The following HIKESHI variants were observed in gnomAD, a reference collection of about 807,000 sequenced individuals.
The protein encoded by HIKESHI is heat shock protein nuclear import factor hikeshi.
A neutral mutation model predicts 25.7 loss-of-function variants in HIKESHI; 13 were observed. That is an observed-to-expected ratio of 0.51 (90% confidence interval 0.33 to 0.80). The LOEUF (loss-of-function observed/expected upper bound fraction) is 0.80. Ranked by LOEUF, HIKESHI falls within the 30% of genes least tolerant of loss-of-function variation. The pLI, the probability that HIKESHI is intolerant of heterozygous loss-of-function variation, is 0.02. For synonymous variants in HIKESHI, 76 were observed against 78.7 expected (o/e 0.97, Z 0.18); for missense variants, 174 against 229.5 (o/e 0.76, Z 1.56).
intron 2 of HIKESHI, among the ~76,000 whole-genome samples, chr11:86,327,071 C>A (rs560088761): frequency 1.6e-4 from 25 of 151,912 alleles, no homozygotes; most frequent in African/African-American, 5.6e-4. Context: ...TAAAACCAAA[C>A]CAAAACAAAA....
chr11:86,302,254 G>A lies in HIKESHI; in HGVS notation c.-195G>A, dbSNP rs1946511809. The stretch of plus-strand genomic sequence containing the variant: ...CGGAAGTACTTGTTGCCTGAGCAGT[G>A]GGCTGCTTAGGAAGAGAAGGTCAGA... On this transcript the variant is annotated 5_prime_UTR_variant, in exon 1 of 5. Transcript: ENST00000278483. 2 of 629,188 alleles carry A rather than the reference G, an allele frequency of 3.2e-6. No homozygotes were observed. Among genetic ancestry groups the A allele is most frequent in the Non-Finnish European group, 5.7e-6 (2 of 349,406 alleles). 39.0% of individuals were successfully genotyped at this position (629,188 alleles called of 1,614,324 possible).
intron 2 of HIKESHI, among the ~76,000 whole-genome samples, chr11:86,315,702 C>T (rs1226878420): frequency 1.2e-5 from 1 of 81,946 alleles, no homozygotes; most frequent in East Asian, 4.4e-4. Flanking sequence ...AGCGAAAGAA[C>T]TACTTACCGG....
chr11:86,308,265 AT>A (rs1303240802), intron 2 of HIKESHI, among the ~76,000 whole-genome samples: 120 of 83,786 alleles, frequency 1.4e-3, no homozygotes, highest in African/African-American at 6.6e-3. Flanking sequence ...TACATATAAA[AT>A]GTGTATTATA....
Position 86,302,332 on chromosome 11 carries a change from G to C in HIKESHI, c.-117G>C. The C allele has an allele frequency of 7.9e-7, 1 of 1,268,562 alleles. No individual in the cohort carries two copies. The highest frequency in any genetic ancestry group is 1.1e-6 in the Non-Finnish European group (1 of 899,300). 78.6% of individuals were successfully genotyped at this position (1,268,562 alleles called of 1,614,324 possible). A position where few individuals can be genotyped will look rare whatever the true frequency, so the allele number is the denominator to read the frequency against. On this transcript the variant is annotated 5_prime_UTR_variant, in exon 1 of 5. Coordinates refer to ENST00000278483, the MANE Select transcript of HIKESHI (RefSeq NM_016401.4). ...GCTGGCCCAGTCACTATGTAGTGGA[G>C]GGGCAGACACCCTCCCGCAAATTCT...
chr11:86,316,933 A>G (rs1593828208), intron 2 of HIKESHI, among the ~76,000 whole-genome samples: 1 of 151,612 alleles, frequency 6.6e-6, no homozygotes, highest in East Asian at 1.9e-4. Context: ...ACCTGGGACT[A>G]CAGGTGACCA....
At chr11:86,337,094 A>G (rs1947584583) in intron 2 of HIKESHI, among the ~76,000 whole-genome samples, 1 of 152,152 alleles carries the variant, frequency 6.6e-6, no homozygotes, top group Admixed American at 6.6e-5. Flanking sequence ...TCTATTAATT[A>G]TTTATTTTTC....
At chr11:86,322,423 ATATATGTG>A (rs535266351) in intron 2 of HIKESHI, among the ~76,000 whole-genome samples, 311 of 152,218 alleles carry the variant, frequency 2.0e-3, no homozygotes, top group Middle Eastern at 0.01. Flanking sequence ...GTGTATGTAT[ATATATGTG>A]TATATGTATA....
At chr11:86,342,398 T>C (rs890118018) in intron 3 of HIKESHI, among the ~76,000 whole-genome samples, 3 of 152,118 alleles carry the variant, frequency 2.0e-5, no homozygotes, top group African/African-American at 7.2e-5. Context: ...TATTGTTTCT[T>C]TTATGATTTG....
chr11:86,331,155 G>A (rs568436996), intron 2 of HIKESHI, among the ~76,000 whole-genome samples: 4 of 151,964 alleles, frequency 2.6e-5, no homozygotes, highest in Non-Finnish European at 5.9e-5. Flanking sequence ...TTATATTTTC[G>A]TAAAATCATA....
chr11:86,317,871 A>G (rs958495691), intron 2 of HIKESHI, among the ~76,000 whole-genome samples: 4 of 152,220 alleles, frequency 2.6e-5, no homozygotes, highest in African/African-American at 4.8e-5. Context: ...AACAATAACT[A>G]CAAGTTTAAT....
intron 2 of HIKESHI, among the ~76,000 whole-genome samples, chr11:86,334,761 A>C (rs1947506361): frequency 6.6e-6 from 1 of 151,966 alleles, no homozygotes; most frequent in Non-Finnish European, 1.5e-5. Context: ...CGATCCTCCC[A>C]CCTCCACCTC....
intron 2 of HIKESHI, among the ~76,000 whole-genome samples, chr11:86,318,154 A>T (rs1406095078): frequency 6.6e-6 from 1 of 151,318 alleles, no homozygotes; most frequent in South Asian, 2.1e-4. Flanking sequence ...AATACAAAAA[A>T]ATAGCCGGGC....
At chr11:86,322,829 G>A (rs1165189467) in intron 2 of HIKESHI, among the ~76,000 whole-genome samples, 1 of 152,110 alleles carries the variant, frequency 6.6e-6, no homozygotes, top group East Asian at 1.9e-4. Flanking sequence ...ATATTTAGTG[G>A]TTCCAACATT....
At chr11:86,327,606 G>A (rs1217270811) in intron 2 of HIKESHI, among the ~76,000 whole-genome samples, 1 of 152,110 alleles carries the variant, frequency 6.6e-6, no homozygotes, top group Non-Finnish European at 1.5e-5. Flanking sequence ...GAGCCACCGC[G>A]CCCAGCCAAG....
rs1218981419 is a variant in HIKESHI at position 86,319,242 on chromosome 11, A to ATTTTTT, written c.268+12769_268+12774dup. Among the ~76,000 whole-genome samples the ATTTTTT allele has an allele frequency of 8.1e-4, 77 of 94,934 alleles. 1 individual carries two copies. Among genetic ancestry groups the ATTTTTT allele is most frequent in the African/African-American group, 2.3e-3 (49 of 21,648 alleles). 62.3% of individuals were successfully genotyped at this position (94,934 alleles called of 152,430 possible). On this transcript the variant is annotated intron_variant, in intron 2 of 4. Transcript: ENST00000278483. ...AATATATATATATATATATATATAT[A>ATTTTTT]TTTTTTTTTTTTTTGAGACCAGTCT...
At chr11:86,326,484 G>A (rs2138368947) in intron 2 of HIKESHI, 2 of 455,756 alleles carry the variant, frequency 4.4e-6, no homozygotes, top group Middle Eastern at 3.7e-4. Context: ...TTTATGTAGT[G>A]AAGACTTTGT....
chr11:86,322,160 A>AT (rs1001495515), intron 2 of HIKESHI, among the ~76,000 whole-genome samples: 3 of 150,454 alleles, frequency 2.0e-5, no homozygotes, highest in South Asian at 2.1e-4. Context: ...CTGATTTTAT[A>AT]TTTTTTTTAG....
rs891471211 is a variant in HIKESHI, at chr11:86,345,157, G to C, written c.540-427G>C. 8.7e-6 allele frequency: 9 copies of C among 1,040,400 alleles called. No homozygotes were observed. The African/African-American group carries it at 1.2e-4, about 14-fold the overall frequency. 64.4% of individuals were successfully genotyped at this position (1,040,400 alleles called of 1,614,324 possible). On this transcript the variant is annotated intron_variant, in intron 4 of 4. Transcript: ENST00000278483. ...ATGCCTAGGAAGAGTTTGTTGAGAA[G>C]TGGTACCATGGTGTAGCATGGAGAG...
rs140165176 is a variant in HIKESHI, at chr11:86,318,510, T to G, written c.268+12028T>G. On this transcript the variant is annotated intron_variant, in intron 2 of 4. Transcript: ENST00000278483. ...AAAGAGGCAAAGTTATTCAGTTTAA[T>G]AAATTTTGAAGCCAATATAACCTTC... Among the ~76,000 whole-genome samples the G allele has an allele frequency of 8.2e-3, 1,244 of 152,112 alleles. 9 individuals carry two copies. Among genetic ancestry groups the G allele is most frequent in the South Asian group, 0.014 (66 of 4,826 alleles).
Sources: allele counts gnomAD v4.1 joint callset (sites outside exome capture counted in the v4.1 genomes callset), GRCh38; gene constraint gnomAD v4.1.1; transcripts MANE v1.5; gene names NCBI Gene and HGNC (gene_info 2026-07-23, HGNC 2026-07-21).